Variants in NHSL3 observed in about 807,000 individuals in gnomAD.
NHSL3 encodes NHS-like protein 3.
At chr1:32,759,504 C>T in the NHSL3 span, among the ~76,000 whole-genome samples, 1 of 152,204 alleles carries the variant, frequency 6.6e-6, no homozygotes, top group African/African-American at 2.4e-5. Flanking sequence ...GTAGCTAATT[C>T]CTCCGTGCAC....
At chr1:32,765,695 A>G in the NHSL3 span, 35 of 1,540,532 alleles carry the variant, frequency 2.3e-5, no homozygotes, top group Non-Finnish European at 2.6e-5. Flanking sequence ...GCTGGGTTAC[A>G]GTGAAGGTAC....
the NHSL3 span, among the ~76,000 whole-genome samples, chr1:32,751,330 G>A: frequency 1.3e-5 from 2 of 152,146 alleles, no homozygotes; most frequent in Non-Finnish European, 2.9e-5. Flanking sequence ...CACTACCTCC[G>A]TCAGTATGCA....
the NHSL3 span, chr1:32,773,733 A>C: frequency 6.6e-6 from 1 of 152,670 alleles, no homozygotes; most frequent in Non-Finnish European, 1.5e-5. Flanking sequence ...GGCCCCCAGC[A>C]CTTCAGAGGC....
the NHSL3 span, among the ~76,000 whole-genome samples, chr1:32,745,541 G>C: frequency 7.6e-6 from 1 of 130,850 alleles, no homozygotes. Flanking sequence ...CTGGGCGACA[G>C]AGCGAGACTA....
chr1:32,757,953 G>A, the NHSL3 span, among the ~76,000 whole-genome samples: 1 of 152,184 alleles, frequency 6.6e-6, no homozygotes, highest in Non-Finnish European at 1.5e-5. Flanking sequence ...ACTGTGGGGA[G>A]GGTTAGGGGT....
At chr1:32,759,578 C>T in the NHSL3 span, among the ~76,000 whole-genome samples, 1 of 152,200 alleles carries the variant, frequency 6.6e-6, no homozygotes, top group Non-Finnish European at 1.5e-5. Flanking sequence ...CTGGGCACTC[C>T]CTGCCCCCCA....
the NHSL3 span, chr1:32,770,128 T>C: frequency 3.8e-6 from 6 of 1,565,250 alleles, no homozygotes; most frequent in Non-Finnish European, 8.7e-7. This position sits in a 1 kb window ranked among gnomAD's most constrained non-coding sequence, Gnocchi z 8.3. Context: ...GGCCCCACCA[T>C]TGACCCGGCC....
the NHSL3 span, among the ~76,000 whole-genome samples, chr1:32,746,187 C>T: frequency 2.7e-5 from 4 of 147,482 alleles, no homozygotes; most frequent in Admixed American, 6.8e-5. Context: ...GCCGAGATCG[C>T]GTCACTGCAC....
At chr1:32,749,068 G>T in the NHSL3 span, among the ~76,000 whole-genome samples, 116 of 152,252 alleles carry the variant, frequency 7.6e-4, no homozygotes, top group African/African-American at 2.7e-3. Context: ...GTATAGGGGG[G>T]AAAATACGCT....
the NHSL3 span, among the ~76,000 whole-genome samples, chr1:32,750,842 C>T: frequency 2.8e-5 from 4 of 145,150 alleles, no homozygotes; most frequent in Non-Finnish European, 4.5e-5. Context: ...GAGACAGTCT[C>T]GCTGTGTCAC....
chr1:32,752,630 T>G, the NHSL3 span, among the ~76,000 whole-genome samples: 1 of 152,054 alleles, frequency 6.6e-6, no homozygotes, highest in Admixed American at 6.6e-5. Context: ...CAGGCTGGAG[T>G]GCAGTAGCGT....
At chr1:32,770,690 C>A in the NHSL3 span, 1 of 1,538,500 alleles carries the variant, frequency 6.5e-7, no homozygotes, top group Non-Finnish European at 8.8e-7. The surrounding 1 kb of genome is among the most constrained non-coding windows in gnomAD (Gnocchi z 8.3). Context: ...CCCCGCCGGA[C>A]CCACTCCCTC....
the NHSL3 span, chr1:32,771,807 G>A: frequency 1.7e-5 from 27 of 1,612,620 alleles, no homozygotes; most frequent in South Asian, 2.2e-5. Flanking sequence ...ACGTAGGTGC[G>A]CCCCTGGTCA....
the NHSL3 span, chr1:32,770,445 C>A: frequency 1.9e-6 from 3 of 1,607,076 alleles, no homozygotes; most frequent in Non-Finnish European, 2.5e-6. This position sits in a 1 kb window ranked among gnomAD's most constrained non-coding sequence, Gnocchi z 8.3. Flanking sequence ...CTCAATCCTC[C>A]GACACCATTG....
At chr1:32,771,373 T>TGC in the NHSL3 span, 3 of 1,301,298 alleles carry the variant, frequency 2.3e-6, no homozygotes, top group Non-Finnish European at 3.1e-6. Context: ...ACCCCCACCT[T>TGC]CCCCACCCCC....
the NHSL3 span, chr1:32,772,372 G>C: frequency 1.0e-5 from 16 of 1,584,422 alleles, no homozygotes; most frequent in Non-Finnish European, 1.4e-5. Context: ...GACTAAGAGG[G>C]AGCTGGCGGA....
At chr1:32,769,626 C>T in the NHSL3 span, 1 of 1,411,316 alleles carries the variant, frequency 7.1e-7, no homozygotes, top group Admixed American at 1.9e-5. Flanking sequence ...CAGAATGTGC[C>T]TGGAGTCCTT....
At chr1:32,756,478 C>CCCT in the NHSL3 span, among the ~76,000 whole-genome samples, 1 of 113,956 alleles carries the variant, frequency 8.8e-6, no homozygotes, top group South Asian at 3.6e-4. Context: ...AGACCCCCCC[C>CCCT]CCCCGCCCAT....
At chr1:32,743,121 G>A in the NHSL3 span, among the ~76,000 whole-genome samples, 1 of 152,162 alleles carries the variant, frequency 6.6e-6, no homozygotes, top group Admixed American at 6.5e-5. Flanking sequence ...TGATGGGGAG[G>A]GCTTGAGTCT....
Sources: gnomAD v4.1 joint callset for allele counts (sites outside exome capture counted in the v4.1 genomes callset) on GRCh38, gnomAD v4.1.1 for gene constraint, Gnocchi (gnomAD v3.1) non-coding constraint, MANE v1.5 for transcripts, NCBI Gene and HGNC (gene_info 2026-07-23, HGNC 2026-07-21) for gene names.